TAF3: variants seen among roughly 807,000 people sequenced by gnomAD.
TAF3 encodes transcription initiation factor TFIID subunit 3.
A neutral mutation model predicts 80.6 loss-of-function variants in TAF3; 7 were observed. That is an observed-to-expected ratio of 0.09 (90% CI 0.05 to 0.16). The LOEUF (loss-of-function observed/expected upper bound fraction) is 0.16, where lower values mean the gene tolerates loss of function less well. TAF3 is among the 10% of genes least tolerant of loss of function. TAF3 has a pLI of 1.00. For synonymous variants in TAF3, 444 were observed against 446.1 expected (o/e 1.00, Z 0.06); for missense variants, 921 against 1,140.2 (o/e 0.81, Z 2.77).
chr10:7,981,646 G>A (rs978285734), intron 4 of TAF3, among the ~76,000 whole-genome samples: 2 of 152,106 alleles, frequency 1.3e-5, no homozygotes, highest in East Asian at 3.9e-4. Context: ...TCTGGCATTA[G>A]TTTTCTTTCT....
intron 2 of TAF3, among the ~76,000 whole-genome samples, chr10:7,924,762 T>C (rs867460593): frequency 6.6e-6 from 1 of 152,026 alleles, no homozygotes; most frequent in African/African-American, 2.4e-5. Flanking sequence ...TTTTTTTTTT[T>C]CTTGTGGTGA....
chr10:7,963,770 G>T, intron 2 of TAF3, 150 bp from the exon 3 acceptor site: 1 of 746,016 alleles, frequency 1.3e-6, no homozygotes, highest in Admixed American at 3.2e-5. Context: ...TAACAAACCT[G>T]CATGTTGTGC....
chr10:7,884,798 T>C (rs1837393471), intron 2 of TAF3, among the ~76,000 whole-genome samples: 1 of 152,206 alleles, frequency 6.6e-6, no homozygotes, highest in Non-Finnish European at 1.5e-5. Context: ...GGTGCATTTA[T>C]CCATATCCAT....
chr10:7,945,578 G>T (rs112477662), intron 2 of TAF3, among the ~76,000 whole-genome samples: 1 of 151,934 alleles, frequency 6.6e-6, no homozygotes, highest in Non-Finnish European at 1.5e-5. Flanking sequence ...GCCTGCCCTC[G>T]CACTGCAGCC....
intron 2 of TAF3, among the ~76,000 whole-genome samples, chr10:7,885,251 C>CAG (rs748775901): frequency 6.2e-4 from 91 of 146,078 alleles, no homozygotes; most frequent in African/African-American, 2.1e-3. Context: ...TAAATTTTGA[C>CAG]ACACACACAC....
At chr10:8,012,793 C>G (rs948387515) in intron 5 of TAF3, among the ~76,000 whole-genome samples, 11 of 152,182 alleles carry the variant, frequency 7.2e-5, no homozygotes, top group African/African-American at 1.4e-4. Context: ...CTGTCACACA[C>G]AAAGAAAGCC....
intron 2 of TAF3, among the ~76,000 whole-genome samples, chr10:7,836,276 C>A (rs1441602019): frequency 2.2e-5 from 3 of 138,626 alleles, no homozygotes; most frequent in Non-Finnish European, 4.6e-5. Context: ...GCCATTTCCA[C>A]GTTTTCTTTT....
At chr10:7,869,559 T>C (rs1837246014) in intron 2 of TAF3, among the ~76,000 whole-genome samples, 1 of 152,248 alleles carries the variant, frequency 6.6e-6, no homozygotes, top group Non-Finnish European at 1.5e-5. Context: ...TTTTTCACTA[T>C]TTTAACAGTG....
In TAF3 at chr10:7,870,650, T is replaced by C. The variant is rs1051199102; in HGVS notation, c.409+46090T>C. On this transcript the variant is annotated intron_variant, in intron 2 of 6. Transcript: ENST00000344293. ...TCTACAGACTCCTGACTTGAGTTTT[T>C]AGGCCTTAACGAGCGGCAGAACTCG... 2.0e-5 allele frequency among the ~76,000 whole-genome samples: 3 copies of C among 152,234 alleles called. No individual in the cohort carries two copies. In the East Asian group the frequency reaches 5.8e-4, roughly 29 times the overall value.
At chr10:7,842,597 C>T (rs1758654) in intron 2 of TAF3, among the ~76,000 whole-genome samples, 27,307 of 151,802 alleles carry the variant, frequency 0.18, 2,539 homozygotes, top group South Asian at 0.26. Flanking sequence ...TATATTTGTC[C>T]GATGATACCT....
At chr10:7,856,007 G>A (rs1233661676) in intron 2 of TAF3, among the ~76,000 whole-genome samples, 1 of 152,046 alleles carries the variant, frequency 6.6e-6, no homozygotes, top group Non-Finnish European at 1.5e-5. Context: ...AGATAACCAG[G>A]AAGCAAGAGC....
chr10:7,869,417 C>T (rs932562822), intron 2 of TAF3, among the ~76,000 whole-genome samples: 1 of 152,102 alleles, frequency 6.6e-6, no homozygotes, highest in Non-Finnish European at 1.5e-5. Context: ...GGGTTTTCTC[C>T]CCAGCTTATT....
intron 4 of TAF3, among the ~76,000 whole-genome samples, chr10:8,005,408 T>A (rs1477894710): frequency 6.6e-6 from 1 of 152,236 alleles, no homozygotes; most frequent in African/African-American, 2.4e-5. Context: ...ACATTGCAAG[T>A]CCAAATTACT....
chr10:7,889,862 T>C (rs762351787), intron 2 of TAF3, among the ~76,000 whole-genome samples: 1 of 152,156 alleles, frequency 6.6e-6, no homozygotes, highest in Non-Finnish European at 1.5e-5. Context: ...AAATATTAAA[T>C]TCATATTATT....
At chr10:8,014,137 T>A (rs1360275720) in intron 6 of TAF3, among the ~76,000 whole-genome samples, 1 of 152,192 alleles carries the variant, frequency 6.6e-6, no homozygotes, top group Non-Finnish European at 1.5e-5. Flanking sequence ...TTTCCAGTAA[T>A]GTTCTGTAGG....
chr10:7,820,525 C>G (rs532532798), intron 1 of TAF3, among the ~76,000 whole-genome samples: 1 of 152,356 alleles, frequency 6.6e-6, no homozygotes, highest in Admixed American at 6.5e-5. Context: ...GACAGGGTCT[C>G]ACTCTGTCGC....
At chr10:7,833,466 C>A (rs1460876543) in intron 2 of TAF3, among the ~76,000 whole-genome samples, 2 of 152,094 alleles carry the variant, frequency 1.3e-5, no homozygotes, top group African/African-American at 4.8e-5. Context: ...AACATTTTTT[C>A]ATGTATTTGT....
At chr10:7,938,874 T>C (rs1837950139) in intron 2 of TAF3, among the ~76,000 whole-genome samples, 1 of 152,198 alleles carries the variant, frequency 6.6e-6, no homozygotes, top group African/African-American at 2.4e-5. Context: ...CTGTTTGTCA[T>C]TGTGGATTGA....
Position 8,009,396 on chromosome 10 carries a change from G to T in TAF3, c.2568+66G>T. ...TCAGATCGAGACAAGTGTGTGCTCT[G>T]AATCACTATCGAATTTCAGACGCAT... On this transcript the variant is annotated intron_variant, in intron 5 of 6. Coordinates refer to ENST00000344293, the MANE Select transcript of TAF3 (RefSeq NM_031923.4). The surrounding 1 kb of genome is among the most constrained non-coding windows in gnomAD (Gnocchi z 4.1). The T allele has an allele frequency of 1.3e-6, 2 of 1,504,868 alleles. No individual in the cohort carries two copies. Among genetic ancestry groups the T allele is most frequent in the Non-Finnish European group, 1.8e-6 (2 of 1,127,122 alleles). The allele number at this position is 1,504,868 out of a possible 1,614,324, so 93.2% of individuals were successfully genotyped here. A position where few individuals can be genotyped will look rare whatever the true frequency, so the allele number is the denominator to read the frequency against.
Sources: gnomAD v4.1 joint callset for allele counts (sites outside exome capture counted in the v4.1 genomes callset) on GRCh38, gnomAD v4.1.1 for gene constraint, Gnocchi (gnomAD v3.1) non-coding constraint, MANE v1.5 for transcripts, NCBI Gene and HGNC (gene_info 2026-07-23, HGNC 2026-07-21) for gene names.